The following N4BP2L2 variants were observed in gnomAD, a reference collection of about 807,000 sequenced individuals.
N4BP2L2 encodes NEDD4-binding protein 2-like 2.
N4BP2L2 carries 50 observed loss-of-function variants against 56.2 expected under a neutral mutation model. The observed-to-expected ratio is 0.89, with a 90% confidence interval of 0.71 to 1.13. N4BP2L2 has a LOEUF of 1.13. Ranked by LOEUF, N4BP2L2 falls within the 50% of genes most tolerant of loss-of-function variation. The pLI, the probability that N4BP2L2 is intolerant of heterozygous loss-of-function variation, is 0.00. For missense variants in N4BP2L2, 689 were observed against 693.8 expected (o/e 0.99, Z 0.08); for synonymous variants, 203 against 223.6 (o/e 0.91, Z 0.82).
intron 1 of N4BP2L2, among the ~76,000 whole-genome samples, 178 bp from the exon 2 acceptor site, chr13:32,537,205 A>G (rs1375382919): frequency 2.6e-5 from 4 of 152,018 alleles, no homozygotes; most frequent in Admixed American, 1.3e-4. Flanking sequence ...CAGTCACAAC[A>G]TGGTGGTTTA....
At chr13:32,531,017 C>G (rs745625281) in intron 2 of N4BP2L2, among the ~76,000 whole-genome samples, 7 of 152,112 alleles carry the variant, frequency 4.6e-5, no homozygotes, top group Non-Finnish European at 8.8e-5. Flanking sequence ...AGAGAAGCCT[C>G]CAGTCTCTAG....
At chr13:32,519,015 T>C (rs2050013915) in intron 5 of N4BP2L2, among the ~76,000 whole-genome samples, 1 of 152,158 alleles carries the variant, frequency 6.6e-6, no homozygotes, top group Non-Finnish European at 1.5e-5. Context: ...GATGTACAAA[T>C]GCCAATTTAT....
At chr13:32,472,919 T>C (rs2082590158) in intron 6 of N4BP2L2, among the ~76,000 whole-genome samples, 1 of 152,224 alleles carries the variant, frequency 6.6e-6, no homozygotes, top group Non-Finnish European at 1.5e-5. Flanking sequence ...TGAATTGGGA[T>C]GTGTTGTAAG....
At chr13:32,442,545 A>T in exon 7 of N4BP2L2, 1 of 1,613,922 alleles carries the variant, frequency 6.2e-7, no homozygotes, top group Non-Finnish European at 8.5e-7. Context: ...GCTTTCTATC[A>T]AACCTTTCAT....
intron 6 of N4BP2L2, among the ~76,000 whole-genome samples, chr13:32,496,677 G>T (rs1314250041): frequency 6.6e-6 from 1 of 152,050 alleles, no homozygotes; most frequent in African/African-American, 2.4e-5. Context: ...AAGGCTAATG[G>T]CCACATTCTT....
chr13:32,489,665 C>T (rs979931187), intron 6 of N4BP2L2, among the ~76,000 whole-genome samples: 10 of 151,624 alleles, frequency 6.6e-5, no homozygotes, highest in Admixed American at 5.3e-4. Context: ...GAAGGTAAAT[C>T]GGTTCAATAT....
chr13:32,483,178 A>G (rs2085135647), intron 6 of N4BP2L2, among the ~76,000 whole-genome samples: 1 of 152,358 alleles, frequency 6.6e-6, no homozygotes, highest in African/African-American at 2.4e-5. Context: ...GCCAGAGGCT[A>G]TAATTCACAA....
chr13:32,469,192 C>T (rs919989429), intron 6 of N4BP2L2, among the ~76,000 whole-genome samples: 2 of 152,146 alleles, frequency 1.3e-5, no homozygotes, highest in Admixed American at 1.3e-4. Context: ...GTGTAGTCCT[C>T]GGCAGAATGA....
At chr13:32,465,874 G>A (rs1353424052) in intron 6 of N4BP2L2, among the ~76,000 whole-genome samples, 2 of 152,016 alleles carry the variant, frequency 1.3e-5, no homozygotes, top group Non-Finnish European at 2.9e-5. Context: ...GGCTGGTCTC[G>A]AACTCCTGAC....
exon 2 of N4BP2L2, chr13:32,535,982 G>A (rs772332563): frequency 2.8e-5 from 45 of 1,613,754 alleles, no homozygotes; most frequent in Non-Finnish European, 3.6e-5. Context: ...ATTTCCAGAG[G>A]GATGAACACT....
At chr13:32,536,284 ACAGGGATATTTG>A (rs777351610) in exon 2 of N4BP2L2, 83 of 1,613,630 alleles carry the variant, frequency 5.1e-5, no homozygotes, top group Non-Finnish European at 6.6e-5. Context: ...CTTGTCCATT[ACAGGGATATTTG>A]TCTGGCTCAT....
chr13:32,499,704 T>C (rs574711105), intron 6 of N4BP2L2, among the ~76,000 whole-genome samples: 16 of 152,304 alleles, frequency 1.1e-4, no homozygotes, highest in African/African-American at 3.6e-4. Flanking sequence ...GAGTAAACTA[T>C]GGAAATTTAC....
exon 2 of N4BP2L2, chr13:32,535,906 T>C: frequency 6.2e-7 from 1 of 1,614,150 alleles, no homozygotes; most frequent in Non-Finnish European, 8.5e-7. Context: ...TACAATGATC[T>C]TTCCAGCATC....
At chr13:32,436,808 AAAG>A (rs2075555460) in intron 8 of N4BP2L2, among the ~76,000 whole-genome samples, 1 of 121,212 alleles carries the variant, frequency 8.3e-6, no homozygotes, top group South Asian at 2.6e-4. Flanking sequence ...AAAAAAAAAA[AAAG>A]AAAGGAAGAA....
chr13:32,477,718 T>C (rs1165290590), intron 6 of N4BP2L2: 1 of 441,198 alleles, frequency 2.3e-6, no homozygotes, highest in Non-Finnish European at 3.8e-6. Flanking sequence ...CTAATCGTCA[T>C]TTCTTAGCTT....
At chr13:32,434,202 A>C (rs1387712240) in intron 9 of N4BP2L2, among the ~76,000 whole-genome samples, 1 of 149,462 alleles carries the variant, frequency 6.7e-6, no homozygotes, top group African/African-American at 2.4e-5. Context: ...TCAGCCTCCC[A>C]AGTAGCTTGG....
chr13:32,527,322 G>T, intron 3 of N4BP2L2, 86 bp downstream of exon 3: 1 of 1,434,600 alleles, frequency 7.0e-7, no homozygotes, highest in Non-Finnish European at 9.5e-7. Context: ...TCATTCAGCT[G>T]GTAAAAACCT....
intron 6 of N4BP2L2, among the ~76,000 whole-genome samples, chr13:32,460,328 T>C (rs2138678813): frequency 6.6e-6 from 1 of 152,164 alleles, no homozygotes; most frequent in East Asian, 1.9e-4. Context: ...GAGAAAGAAA[T>C]AAAAAGCATC....
At chr13:32,480,650 A>G (rs1480162482) in intron 6 of N4BP2L2, 2 of 1,285,138 alleles carry the variant, frequency 1.6e-6, no homozygotes, top group Admixed American at 4.6e-5. Flanking sequence ...GAAAATGGAA[A>G]TAACATTTAG....
Sources: gnomAD v4.1 joint callset for allele counts (sites outside exome capture counted in the v4.1 genomes callset) on GRCh38, gnomAD v4.1.1 for gene constraint, MANE v1.5 for transcripts, NCBI Gene and HGNC (gene_info 2026-07-23, HGNC 2026-07-21) for gene names.